Variants in PCDH11X observed in about 807,000 individuals in gnomAD.
The protein encoded by PCDH11X is protocadherin 11 X-linked.
Under a neutral mutation model 53.3 loss-of-function variants are expected in PCDH11X, and 18 were observed. That is an observed-to-expected ratio of 0.34 (90% CI 0.23 to 0.50). PCDH11X has a LOEUF of 0.50. Ranked by LOEUF, PCDH11X falls within the 20% of genes least tolerant of loss-of-function variation. PCDH11X has a pLI of 0.98. For missense variants in PCDH11X, 570 were observed against 1,032.4 expected, an observed-to-expected ratio of 0.55 and a Z score of 6.14; for synonymous variants, 279 against 393.3, an observed-to-expected ratio of 0.71 and a Z score of 3.44.
Position 91,854,440 on chromosome X carries a change from G to C in PCDH11X, c.540+18396G>C, listed in dbSNP as rs1251617506. Among the ~76,000 whole-genome samples, 3 of 112,303 alleles carry C rather than the reference G, an allele frequency of 2.7e-5. No homozygotes were observed. In the East Asian group the frequency reaches 8.4e-4, roughly 31 times the overall value. The stretch of plus-strand genomic sequence containing the variant: ...GTTGCTTCCAAATCTTGGCTACTGT[G>C]AATAGTGCTGCAAAAAAGCCTGGGA... On this transcript the variant is annotated intron_variant, in intron 5 of 10. Transcript: ENST00000682573.
At chrX:92,408,259 A>T (rs1302376014) in intron 9 of PCDH11X, among the ~76,000 whole-genome samples, 1 of 110,868 alleles carries the variant, frequency 9.0e-6, no homozygotes, top group Non-Finnish European at 1.9e-5. Flanking sequence ...TTCCATATTT[A>T]TAAGTGAGAC....
intron 6 of PCDH11X, among the ~76,000 whole-genome samples, chrX:91,924,490 C>A (rs1941863116): frequency 8.9e-6 from 1 of 111,875 alleles, no homozygotes; most frequent in African/African-American, 3.2e-5. Flanking sequence ...TGTTAAGCCA[C>A]TAGTTTGTAG....
In PCDH11X at chrX:92,101,211, G is replaced by T. The variant is rs776205310; in HGVS notation, c.3034-100164G>T. Among the ~76,000 whole-genome samples the T allele has an allele frequency of 6.7e-4, 75 of 111,302 alleles. 1 individual carries two copies. Among genetic ancestry groups the T allele is most frequent in the African/African-American group, 2.4e-3 (72 of 30,619 alleles). ...AGGGCATGTATGAGTAGTTGAGAACGGAGAATAGGAGTATGACTAGACAGA... is the reference window on the plus strand; with the variant it reads ...AGGGCATGTATGAGTAGTTGAGAACTGAGAATAGGAGTATGACTAGACAGA... On this transcript the variant is annotated intron_variant, in intron 6 of 10. Coordinates refer to ENST00000682573, the MANE Select transcript of PCDH11X (RefSeq NM_032968.5).
chrX:92,586,111 A>C (rs1924354908), intron 10 of PCDH11X, among the ~76,000 whole-genome samples: 1 of 86,002 alleles, frequency 1.2e-5, no homozygotes. Context: ...ATAATACAAA[A>C]AAATGCTACA....
In PCDH11X at chrX:92,619,009, G is replaced by A; in HGVS notation, c.*69G>A. ...TCAAAATTTAAGATACAATTCCAAT[G>A]AGTATTCTGATTATCAGATTTGTAA... On this transcript the variant is annotated 3_prime_UTR_variant, in exon 11 of 11. Coordinates refer to ENST00000682573, the MANE Select transcript of PCDH11X (RefSeq NM_032968.5). The A allele has an allele frequency of 9.8e-7, 1 of 1,024,252 alleles. No individual in the cohort carries two copies. The highest frequency in any genetic ancestry group is 1.9e-5 in the African/African-American group (1 of 53,159). The allele number at this position is 1,024,252 out of a possible 1,213,427, so 84.4% of individuals were successfully genotyped here.
intron 6 of PCDH11X, chrX:92,114,400 C>T: frequency 9.7e-7 from 1 of 1,030,750 alleles, no homozygotes; most frequent in Admixed American, 2.2e-5. Context: ...CTCGATGACG[C>T]CTTCGGGCTC....
At chrX:92,256,870 G>A (rs1271725183) in intron 7 of PCDH11X, among the ~76,000 whole-genome samples, 1 of 110,968 alleles carries the variant, frequency 9.0e-6, no homozygotes, top group African/African-American at 3.3e-5. Flanking sequence ...CTCCATCCAT[G>A]TCCCTGAAAA....
chrX:92,061,084 T>C (rs1322855258), intron 6 of PCDH11X, among the ~76,000 whole-genome samples: 1 of 112,223 alleles, frequency 8.9e-6, no homozygotes, highest in African/African-American at 3.2e-5. Flanking sequence ...TAATTAGTGA[T>C]ACTGAACATT....
At chrX:92,597,749 G>T (rs1329926511) in intron 10 of PCDH11X, among the ~76,000 whole-genome samples, 1 of 111,127 alleles carries the variant, frequency 9.0e-6, no homozygotes. Context: ...AACAAAACCG[G>T]AGGAATTATA....
intron 6 of PCDH11X, among the ~76,000 whole-genome samples, chrX:92,157,901 T>C (rs2065567210): frequency 8.9e-6 from 1 of 111,975 alleles, no homozygotes; most frequent in South Asian, 3.7e-4. Flanking sequence ...TTTATGAAAG[T>C]CTTTCTGTTC....
rs35000823 is a variant in PCDH11X at position 92,278,806 on chromosome X, G to GTTTTTTTTTTTTTTTTTTTTTT, written c.3144+15664_3144+15685dup. On this transcript the variant is annotated intron_variant, in intron 8 of 10. Coordinates refer to ENST00000682573, the MANE Select transcript of PCDH11X (RefSeq NM_032968.5). ...TCAGAGGCCTGACAGTCTCTTTTCA[G>GTTTTTTTTTTTTTTTTTTTTTT]TTTTTTTTTTTTTTTTTTTTTTGAG... Among the ~76,000 whole-genome samples, 6 of 47,378 alleles carry GTTTTTTTTTTTTTTTTTTTTTT rather than the reference G, an allele frequency of 1.3e-4. 1 individual carries two copies. Among genetic ancestry groups the GTTTTTTTTTTTTTTTTTTTTTT allele is most frequent in the East Asian group, 6.2e-4 (1 of 1,604 alleles). 41.1% of individuals were successfully genotyped at this position (47,378 alleles called of 115,157 possible).
chrX:92,465,765 A>C (rs939541233), intron 9 of PCDH11X, among the ~76,000 whole-genome samples: 5 of 111,009 alleles, frequency 4.5e-5, no homozygotes, highest in African/African-American at 1.6e-4. Context: ...GATAAATTTT[A>C]GTAATATTTA....
intron 4 of PCDH11X, among the ~76,000 whole-genome samples, chrX:91,833,768 A>C (rs960839477): frequency 1.8e-5 from 2 of 111,884 alleles, no homozygotes; most frequent in Non-Finnish European, 3.8e-5. Context: ...TGGCATATGC[A>C]TAGTTTAAAA....
chrX:92,088,926 CCAAAA>C (rs922190982), intron 6 of PCDH11X, among the ~76,000 whole-genome samples: 5 of 109,782 alleles, frequency 4.6e-5, no homozygotes, highest in Admixed American at 9.8e-5. Flanking sequence ...GAAGAAATTA[CCAAAA>C]CAAAACAAAA....
chrX:91,970,967 T>C (rs1451365551), intron 6 of PCDH11X, among the ~76,000 whole-genome samples: 4 of 111,261 alleles, frequency 3.6e-5, no homozygotes, highest in Admixed American at 9.6e-5. Context: ...CATAGCGTCA[T>C]GCAGATGCTA....
At chrX:92,575,100 A>G (rs1479197879) in intron 10 of PCDH11X, among the ~76,000 whole-genome samples, 1 of 111,042 alleles carries the variant, frequency 9.0e-6, no homozygotes, top group African/African-American at 3.3e-5. Context: ...GGTTTGCTAT[A>G]TTATTTTATT....
chrX:91,932,440 A>G (rs1367713094), intron 6 of PCDH11X, among the ~76,000 whole-genome samples: 1 of 99,898 alleles, frequency 1.0e-5, no homozygotes, highest in East Asian at 3.2e-4. Flanking sequence ...AAGAGAGTAC[A>G]GTAAAGATAA....
chrX:92,256,946 A>G lies in PCDH11X; in HGVS notation c.3115-6168A>G, dbSNP rs766393857. Among the ~76,000 whole-genome samples, 16 of 111,283 alleles carry G rather than the reference A, an allele frequency of 1.4e-4. No homozygotes were observed. The East Asian group carries it at 2.6e-3, about 18-fold the overall frequency. On this transcript the variant is annotated intron_variant, in intron 7 of 10. Transcript: ENST00000682573. ...TTTTTCAAGCAAAAGGAATTTCAGC[A>G]TGTGTATTAGTCCATTCTTGCAATG...
intron 6 of PCDH11X, among the ~76,000 whole-genome samples, chrX:92,006,802 A>G (rs1179119994): frequency 9.0e-6 from 1 of 111,257 alleles, no homozygotes; most frequent in African/African-American, 3.3e-5. Flanking sequence ...TCTAAGCAGT[A>G]TCTTCTTTAG....
Sources: gnomAD v4.1 joint callset for allele counts (sites outside exome capture counted in the v4.1 genomes callset) on GRCh38, gnomAD v4.1.1 for gene constraint, MANE v1.5 for transcripts, NCBI Gene and HGNC (gene_info 2026-07-23, HGNC 2026-07-21) for gene names.